DESI1: variants seen among roughly 807,000 people sequenced by gnomAD.
DESI1 encodes desumoylating isopeptidase 1, also known as PPPDE peptidase domain containing 2.
Under a neutral mutation model 22.4 loss-of-function variants are expected in DESI1, and 17 were observed. The observed-to-expected ratio is 0.76, with a 90% CI of 0.52 to 1.14. The LOEUF (loss-of-function observed/expected upper bound fraction) is 1.14. Ranked by LOEUF, DESI1 falls within the 50% of genes most tolerant of loss-of-function variation. DESI1 has a pLI of 0.00. For missense variants in DESI1, 177 were observed against 208.9 expected (o/e 0.85, Z 0.94); for synonymous variants, 92 against 84.2 (o/e 1.09, Z -0.51).
chr22:41,601,109 G>A lies in DESI1; in HGVS notation c.495C>T (p.Asn165=), dbSNP rs370658491. ...PPGGSSVGRP[N]GQS is the part of the protein sequence containing the mutation. ...CCAGGCAGTCCTGTTAGCTCTGGCC[G>A]TTGGGTCTGCCCACGGAGCTCCCTC... is the stretch of plus-strand genomic sequence containing the variant. The change falls in exon 6 of 6, where the codon AAC becomes AAT. Residue 165 remains asparagine, a synonymous_variant. Transcript: ENST00000263256. 2.2e-5 allele frequency: 36 copies of A among 1,613,072 alleles called. No homozygotes were observed. Among genetic ancestry groups the A allele is most frequent in the African/African-American group, 1.3e-4 (10 of 74,924 alleles).
At chr22:41,606,016 C>G (rs1052494807) in intron 3 of DESI1, among the ~76,000 whole-genome samples, 5 of 152,044 alleles carry the variant, frequency 3.3e-5, no homozygotes, top group African/African-American at 1.2e-4. Context: ...TGGGAGGGAA[C>G]AACCTAAAAG....
In DESI1 at chr22:41,621,002, C is replaced by CA; in HGVS notation, c.-164dup. ...GGCCGCCCTGCGCTGCTCGCGCCCC[C>CA]ACACCCGCTACCGGCAACGACTACT... On this transcript the variant is annotated 5_prime_UTR_variant, in exon 1 of 6. Coordinates refer to ENST00000263256, the MANE Select transcript of DESI1 (RefSeq NM_015704.3). The CA allele has an allele frequency of 1.4e-6, 1 of 698,866 alleles. No individual in the cohort carries two copies. The highest frequency in any genetic ancestry group is 2.3e-6 in the Non-Finnish European group (1 of 426,286). 43.3% of individuals were successfully genotyped at this position (698,866 alleles called of 1,614,324 possible).
Position 41,620,971 on chromosome 22 carries a change from G to C in DESI1, c.-132C>G. 1.1e-6 allele frequency: 1 copy of C among 940,562 alleles called. No individual in the cohort carries two copies. 58.3% of individuals were successfully genotyped at this position (940,562 alleles called of 1,614,324 possible). A position where few individuals can be genotyped will look rare whatever the true frequency, so the allele number is the denominator to read the frequency against. On this transcript the variant is annotated 5_prime_UTR_variant, in exon 1 of 6. Coordinates refer to ENST00000263256, the MANE Select transcript of DESI1 (RefSeq NM_015704.3). Reference sequence around the variant, plus strand: ...AGCCCGGGCCCGGGCTGAGGGGTGGGGGAGAGGCCGCCCTGCGCTGCTCGC... The same window carrying C: ...AGCCCGGGCCCGGGCTGAGGGGTGGCGGAGAGGCCGCCCTGCGCTGCTCGC...
chr22:41,604,254 T>C, intron 3 of DESI1, 101 bp from the exon 4 acceptor site: 1 of 643,068 alleles, frequency 1.6e-6, no homozygotes, highest in Admixed American at 4.8e-5. Flanking sequence ...TTCTGACTTT[T>C]TTTTTTTTTT....
Position 41,602,260 on chromosome 22 carries a change from C to G in DESI1, c.413+999G>C, listed in dbSNP as rs1033253296. On this transcript the variant is annotated intron_variant, in intron 5 of 5. Transcript: ENST00000263256. ...CTAGAAATATCAAACCTAATTCAGA[C>G]AATTCCAGGAACTCCACCCATAAAA... 3.0e-6 allele frequency: 3 copies of G among 985,326 alleles called. No individual in the cohort carries two copies. In the African/African-American group the frequency reaches 5.2e-5, roughly 17 times the overall value. The allele number at this position is 985,326 out of a possible 1,614,324, so 61.0% of individuals were successfully genotyped here. A position where few individuals can be genotyped will look rare whatever the true frequency, so the allele number is the denominator to read the frequency against.
Position 41,620,973 on chromosome 22 carries a change from G to A in DESI1, c.-134C>T. On this transcript the variant is annotated 5_prime_UTR_variant, in exon 1 of 6. Transcript: ENST00000263256. ...CCCGGGCCCGGGCTGAGGGGTGGGG[G>A]AGAGGCCGCCCTGCGCTGCTCGCGC... is the stretch of plus-strand genomic sequence containing the variant. 2 of 930,850 alleles carry A rather than the reference G, an allele frequency of 2.1e-6. No individual in the cohort carries two copies. The highest frequency in any genetic ancestry group is 1.6e-6 in the Non-Finnish European group (1 of 620,132). The allele number at this position is 930,850 out of a possible 1,614,324, so 57.7% of individuals were successfully genotyped here. A position where few individuals can be genotyped will look rare whatever the true frequency, so the allele number is the denominator to read the frequency against.
chr22:41,616,715 C>T (rs908920443), intron 1 of DESI1, among the ~76,000 whole-genome samples: 10 of 152,174 alleles, frequency 6.6e-5, no homozygotes, highest in African/African-American at 2.4e-4. Flanking sequence ...GCTATCTGCT[C>T]AATTAGAATG....
rs180820988 is a variant in DESI1, at chr22:41,616,911, G to A, written c.88+3841C>T. ...CTAATCCTGAACTGCGACAGAGCTA[G>A]ATGAGGTCTCCCATTGGAGAACTGA... On this transcript the variant is annotated intron_variant, in intron 1 of 5. Transcript: ENST00000263256. 3.3e-5 allele frequency among the ~76,000 whole-genome samples: 5 copies of A among 152,316 alleles called. No homozygotes were observed. In the East Asian group the frequency reaches 9.6e-4, roughly 29 times the overall value.
chr22:41,604,480 T>C (rs8138864), intron 3 of DESI1, among the ~76,000 whole-genome samples: 6,142 of 152,014 alleles, frequency 0.04, 262 homozygotes, highest in African/African-American at 0.092. Context: ...CTCCTGACCT[T>C]AAGTGATCCA....
chr22:41,614,690 T>C (rs2067539296), intron 1 of DESI1, among the ~76,000 whole-genome samples: 1 of 149,406 alleles, frequency 6.7e-6, no homozygotes, highest in Non-Finnish European at 1.5e-5. Flanking sequence ...GTTCAAGCGA[T>C]TCTCCTGCCT....
Position 41,599,979 on chromosome 22 carries a change from G to C in DESI1, c.*1118C>G, listed in dbSNP as rs2067440716. The C allele has an allele frequency of 6.6e-6, 1 of 151,288 alleles. No individual in the cohort carries two copies. Among genetic ancestry groups the C allele is most frequent in the Admixed American group, 6.6e-5 (1 of 15,168 alleles). The allele number at this position is 151,288 out of a possible 1,614,324, so 9.4% of individuals were successfully genotyped here. ...GGATCACCCGAGGTCAGGAGTTCCA[G>C]ACCAGCCTGGCCAACATGGCAAAAC... On this transcript the variant is annotated 3_prime_UTR_variant, in exon 6 of 6. Transcript: ENST00000263256.
intron 1 of DESI1, among the ~76,000 whole-genome samples, chr22:41,615,737 G>A (rs1379616111): frequency 1.3e-5 from 2 of 152,228 alleles, no homozygotes; most frequent in Non-Finnish European, 2.9e-5. Context: ...AGGGGACAGA[G>A]TCCTTGCCCT....
intron 3 of DESI1, among the ~76,000 whole-genome samples, chr22:41,606,403 A>C (rs1470103103): frequency 1.3e-5 from 2 of 152,102 alleles, no homozygotes; most frequent in African/African-American, 2.4e-5. Context: ...AAAACAAACA[A>C]ACACACAACC....
In DESI1 at chr22:41,613,011, C is replaced by G. The variant is rs555272724; in HGVS notation, c.89-5150G>C. Among the ~76,000 whole-genome samples, 3 of 152,226 alleles carry G rather than the reference C, an allele frequency of 2.0e-5. No homozygotes were observed. The South Asian group carries it at 6.2e-4, about 32-fold the overall frequency. On this transcript the variant is annotated intron_variant, in intron 1 of 5. Transcript: ENST00000263256. ...GAAGATGACCAGAGGTAATGGAGGA[C>G]CAGATCACAGAGAACACTGCAGAGG...
chr22:41,611,845 C>A (rs1046001278), intron 1 of DESI1, among the ~76,000 whole-genome samples: 1 of 152,114 alleles, frequency 6.6e-6, no homozygotes, highest in Admixed American at 6.5e-5. Flanking sequence ...CCCGCCTCGG[C>A]CTCCCAAAGT....
At chr22:41,605,907 A>G (rs2067476529) in intron 3 of DESI1, among the ~76,000 whole-genome samples, 1 of 152,322 alleles carries the variant, frequency 6.6e-6, no homozygotes, top group African/African-American at 2.4e-5. Flanking sequence ...TGAAGGATGG[A>G]GAGGCGTAAC....
intron 1 of DESI1, among the ~76,000 whole-genome samples, chr22:41,612,502 G>T (rs1358861129): frequency 1.8e-5 from 2 of 112,558 alleles, no homozygotes; most frequent in African/African-American, 6.2e-5. Flanking sequence ...CAAAACTCTT[G>T]TCTCAAAAAA....
intron 5 of DESI1, chr22:41,602,480 C>T (rs532523394): frequency 7.3e-4 from 717 of 985,320 alleles, no homozygotes; most frequent in Non-Finnish European, 8.3e-4. Context: ...GGTGCTTCCT[C>T]AGATATAAAA....
At chr22:41,612,261 C>A (rs1386521131) in intron 1 of DESI1, among the ~76,000 whole-genome samples, 2 of 151,918 alleles carry the variant, frequency 1.3e-5, no homozygotes, top group Non-Finnish European at 2.9e-5. Flanking sequence ...GTAATCCGAG[C>A]GCTTTGGGAG....
Sources: gnomAD v4.1 joint callset for allele counts (sites outside exome capture counted in the v4.1 genomes callset) on GRCh38, gnomAD v4.1.1 for gene constraint, MANE v1.5 for transcripts, NCBI Gene and HGNC (gene_info 2026-07-23, HGNC 2026-07-21) for gene names.